The following TMEM177 variants were observed in gnomAD, a reference collection of about 807,000 sequenced individuals.
The protein encoded by TMEM177 is transmembrane protein 177.
A neutral mutation model predicts 14.2 loss-of-function variants in TMEM177; 4 were observed. That is an observed-to-expected ratio of 0.28 (90% CI 0.14 to 0.64). The LOEUF is 0.64. Among genes scored for constraint, TMEM177 ranks in the 30% least tolerant of loss-of-function variants. The pLI, the probability that TMEM177 is intolerant of heterozygous loss-of-function variation, is 0.82. For synonymous variants in TMEM177, 179 were observed against 174.5 expected (o/e 1.03, Z -0.20); for missense variants, 344 against 405.2 (o/e 0.85, Z 1.30).
the TMEM177 span, among the ~76,000 whole-genome samples, chr2:119,692,453 G>A: frequency 2.0e-5 from 3 of 152,240 alleles, no homozygotes; most frequent in South Asian, 2.1e-4. Context: ...CATGTCCCCA[G>A]GCGAACAGCA....
the TMEM177 span, among the ~76,000 whole-genome samples, chr2:119,720,476 G>C: frequency 6.6e-6 from 1 of 151,602 alleles, no homozygotes; most frequent in Non-Finnish European, 1.5e-5. Context: ...CTCCATGTTG[G>C]TCAGGCTGGT....
chr2:119,706,037 T>A, the TMEM177 span, among the ~76,000 whole-genome samples: 6 of 147,782 alleles, frequency 4.1e-5, no homozygotes, highest in African/African-American at 4.9e-5. Context: ...ATATATATAT[T>A]TTTTTGAGGC....
At chr2:119,714,244 A>G in the TMEM177 span, among the ~76,000 whole-genome samples, 41 of 152,252 alleles carry the variant, frequency 2.7e-4, no homozygotes, top group East Asian at 7.0e-3. Context: ...TGGTCAAGAG[A>G]AATGGGGACA....
the TMEM177 span, among the ~76,000 whole-genome samples, chr2:119,693,795 G>A: frequency 1.6e-4 from 20 of 123,578 alleles, no homozygotes; most frequent in Non-Finnish European, 2.6e-4. Context: ...AGTCACAGAA[G>A]ACACACATAC....
chr2:119,688,731 A>G (rs1401121290), downstream of TMEM177, among the ~76,000 whole-genome samples: 2 of 152,124 alleles, frequency 1.3e-5, no homozygotes, highest in Non-Finnish European at 2.9e-5. Flanking sequence ...CCCTGCATCA[A>G]GGTGACAGAT....
the TMEM177 span, among the ~76,000 whole-genome samples, chr2:119,719,186 C>A: frequency 6.6e-6 from 1 of 152,192 alleles, no homozygotes; most frequent in Non-Finnish European, 1.5e-5. Context: ...AAGCTGCCCT[C>A]CTGCCCCTTT....
At chr2:119,698,987 ACT>A in the TMEM177 span, 60 of 174,770 alleles carry the variant, frequency 3.4e-4, no homozygotes, top group African/African-American at 1.4e-3. Context: ...ACAGAGTGAG[ACT>A]CTGTCTCAAA....
the TMEM177 span, among the ~76,000 whole-genome samples, chr2:119,704,232 T>G: frequency 6.6e-6 from 1 of 152,166 alleles, no homozygotes; most frequent in East Asian, 1.9e-4. Flanking sequence ...CTCTAGACAT[T>G]TATTCCATTT....
downstream of TMEM177, among the ~76,000 whole-genome samples, chr2:119,690,629 G>A (rs146229879): frequency 0.024 from 3,618 of 152,236 alleles, 49 homozygotes; most frequent in Non-Finnish European, 0.032. Context: ...GGGAGCCGGC[G>A]TCCACATGCC....
chr2:119,716,625 G>A, the TMEM177 span, among the ~76,000 whole-genome samples: 4 of 152,204 alleles, frequency 2.6e-5, no homozygotes, highest in African/African-American at 7.2e-5. Flanking sequence ...CAAAGGAAGG[G>A]AGAACCTTGG....
chr2:119,696,861 T>C, the TMEM177 span, among the ~76,000 whole-genome samples: 6 of 144,530 alleles, frequency 4.2e-5, no homozygotes, highest in African/African-American at 1.3e-4. Flanking sequence ...GTTGGGGAGG[T>C]GGGGGAAGGG....
chr2:119,708,579 G>A, the TMEM177 span, among the ~76,000 whole-genome samples: 1 of 151,682 alleles, frequency 6.6e-6, no homozygotes, highest in Non-Finnish European at 1.5e-5. Context: ...CATTGCATTT[G>A]GTAGATATGT....
chr2:119,698,221 G>A, the TMEM177 span, among the ~76,000 whole-genome samples: 15 of 152,142 alleles, frequency 9.9e-5, no homozygotes, highest in Admixed American at 5.9e-4. Context: ...CTCTTCTCCC[G>A]TGGTTAATCT....
In TMEM177 at chr2:119,681,561, C is replaced by T. The variant is rs1688903928; in HGVS notation, c.708C>T (p.Ala236=). 6.2e-7 allele frequency: 1 copy of T among 1,614,208 alleles called. No individual in the cohort carries two copies. The change falls in exon 2 of 2, where the codon GCC becomes GCT. Residue 236 remains alanine (A), a synonymous_variant. Coordinates refer to ENST00000272521, the MANE Select transcript of TMEM177 (RefSeq NM_030577.3). ...AGTCCTGGCTGGACCGCCGCACGGC[C>T]TCCCTCTCTGCAGCCTATGCCTGTG... ...AVESWLDRRT[A]SLSAAYACGG...
At chr2:119,696,526 T>G in the TMEM177 span, among the ~76,000 whole-genome samples, 1 of 152,192 alleles carries the variant, frequency 6.6e-6, no homozygotes, top group African/African-American at 2.4e-5. Flanking sequence ...AAATGCCTGC[T>G]CTTATATTCT....
the TMEM177 span, among the ~76,000 whole-genome samples, chr2:119,722,121 C>G: frequency 1.3e-5 from 2 of 152,134 alleles, no homozygotes; most frequent in African/African-American, 4.8e-5. Context: ...TGGCTCAAGC[C>G]TGTAATCCCA....
At chr2:119,689,779 C>T (rs1689067215), downstream of TMEM177, among the ~76,000 whole-genome samples, 1 of 152,070 alleles carries the variant, frequency 6.6e-6, no homozygotes, top group Non-Finnish European at 1.5e-5. Flanking sequence ...TTATCAGGGT[C>T]CAACCAAGAG....
chr2:119,680,804 TGGCTGACTTCTCTTTTTCTTGGCCCA>T lies in TMEM177; in HGVS notation c.-22-26_-22-1del. 3 of 1,566,166 alleles carry T rather than the reference TGGCTGACTTCTCTTTTTCTTGGCCCA, an allele frequency of 1.9e-6. No individual in the cohort carries two copies. Among genetic ancestry groups the T allele is most frequent in the Non-Finnish European group, 2.6e-6 (3 of 1,151,570 alleles). Reference sequence around the variant, plus strand: ...AGTCTGCAGGCTGACCCAGGGAAACTGGCTGACTTCTCTTTTTCTTGGCCCAGATTGTCCGCAGTGACTACACTCAT... The same window carrying T: ...AGTCTGCAGGCTGACCCAGGGAAACTGATTGTCCGCAGTGACTACACTCAT... On this transcript the variant is annotated splice_acceptor_variant and splice_polypyrimidine_tract_variant and intron_variant, in intron 1 of 1. Transcript: ENST00000272521. LOFTEE classifies it low-confidence loss of function (5UTR_SPLICE).
At chr2:119,694,029 T>C in the TMEM177 span, among the ~76,000 whole-genome samples, 24 of 1,630 alleles carry the variant, frequency 0.015, no homozygotes, top group South Asian at 0.019. Context: ...ATACCACACA[T>C]ATGACACATA....
Sources: allele counts gnomAD v4.1 joint callset (sites outside exome capture counted in the v4.1 genomes callset), GRCh38; gene constraint gnomAD v4.1.1; transcripts MANE v1.5; gene names NCBI Gene and HGNC (gene_info 2026-07-23, HGNC 2026-07-21).